TBC1D19: variants seen among roughly 807,000 people sequenced by gnomAD.
The protein encoded by TBC1D19 is TBC1 domain family member 19, also known as TBC1 domain family, member 19.
TBC1D19 carries 60 observed loss-of-function variants against 89.0 expected under a neutral mutation model. The observed-to-expected ratio is 0.67, with a 90% confidence interval of 0.55 to 0.84. The LOEUF (loss-of-function observed/expected upper bound fraction) is 0.84, where lower values mean the gene tolerates loss of function less well. TBC1D19 is among the 40% of genes least tolerant of loss of function. The probability of loss-of-function intolerance (pLI) is 0.00; values close to 1 mark genes in which losing one functional copy is unlikely to be tolerated. For missense variants in TBC1D19, 500 were observed against 610.8 expected (o/e 0.82, Z 1.91); for synonymous variants, 189 against 199.7 (o/e 0.95, Z 0.45).
intron 13 of TBC1D19, among the ~76,000 whole-genome samples, chr4:26,701,290 T>G (rs1337136428): frequency 6.7e-6 from 1 of 149,418 alleles, no homozygotes; most frequent in Non-Finnish European, 1.5e-5. Context: ...CAGATACACC[T>G]TCCCTGACCA....
chr4:26,676,854 CTTCT>C (rs925999966), intron 11 of TBC1D19, among the ~76,000 whole-genome samples: 5 of 151,878 alleles, frequency 3.3e-5, no homozygotes, highest in African/African-American at 1.2e-4. Flanking sequence ...TGTGGAGGGT[CTTCT>C]TTGTCTTATC....
chr4:26,723,113 C>T (rs1560497519), intron 15 of TBC1D19, among the ~76,000 whole-genome samples: 1 of 152,114 alleles, frequency 6.6e-6, no homozygotes, highest in South Asian at 2.1e-4. Flanking sequence ...TGAGATAAGC[C>T]CACAGCTGTT....
the TBC1D19 span, among the ~76,000 whole-genome samples, chr4:26,855,571 T>G: frequency 6.6e-6 from 1 of 152,216 alleles, no homozygotes; most frequent in African/African-American, 2.4e-5. Context: ...TATGGCCATT[T>G]TTTTTATACA....
chr4:26,768,659 A>G, the TBC1D19 span, among the ~76,000 whole-genome samples: 1 of 152,178 alleles, frequency 6.6e-6, no homozygotes, highest in Non-Finnish European at 1.5e-5. Context: ...TTCTAGATTT[A>G]AAAAATAGTG....
At chr4:26,614,995 T>G (rs1741596500) in intron 3 of TBC1D19, among the ~76,000 whole-genome samples, 1 of 152,186 alleles carries the variant, frequency 6.6e-6, no homozygotes, top group Non-Finnish European at 1.5e-5. Context: ...TTATTTTATA[T>G]TAACAATTCA....
At chr4:26,852,035 C>CCT in the TBC1D19 span, among the ~76,000 whole-genome samples, 2,914 of 152,306 alleles carry the variant, frequency 0.019, 107 homozygotes, top group African/African-American at 0.067. Flanking sequence ...GAATTCCTGG[C>CCT]CTCTATCCAA....
intron 7 of TBC1D19, among the ~76,000 whole-genome samples, chr4:26,641,611 C>T (rs1743541769): frequency 6.8e-6 from 1 of 146,670 alleles, no homozygotes; most frequent in Non-Finnish European, 1.5e-5. Context: ...TTCAGAAAGT[C>T]GGTAATAACA....
At chr4:26,675,979 G>A (rs996430707) in intron 11 of TBC1D19, among the ~76,000 whole-genome samples, 2 of 152,102 alleles carry the variant, frequency 1.3e-5, no homozygotes, top group African/African-American at 4.8e-5. Context: ...GCATTTCTAG[G>A]TATGTGTCAA....
chr4:26,820,103 C>T, the TBC1D19 span, among the ~76,000 whole-genome samples: 1 of 152,120 alleles, frequency 6.6e-6, no homozygotes, highest in South Asian at 2.1e-4. Context: ...TCTATGTGTA[C>T]ATTGTAGAAA....
intron 10 of TBC1D19, among the ~76,000 whole-genome samples, chr4:26,673,475 A>ACACACACACACACACACACAC (rs1560463426): frequency 6.8e-6 from 1 of 148,052 alleles, no homozygotes; most frequent in African/African-American, 2.5e-5. Context: ...ACACACACAC[A>ACACACACACACACACACACAC]ATACTAGTTT....
chr4:26,689,507 T>C (rs919887108), intron 13 of TBC1D19, among the ~76,000 whole-genome samples: 1 of 152,192 alleles, frequency 6.6e-6, no homozygotes, highest in African/African-American at 2.4e-5. Flanking sequence ...AAATTGAAGG[T>C]TTGTGGCAAC....
chr4:26,603,274 T>C (rs1740753573), intron 1 of TBC1D19, among the ~76,000 whole-genome samples: 1 of 152,246 alleles, frequency 6.6e-6, no homozygotes, highest in South Asian at 2.1e-4. Flanking sequence ...TTTAATGATA[T>C]GTTTTCACTT....
chr4:26,849,825 C>T, the TBC1D19 span, among the ~76,000 whole-genome samples: 569 of 152,198 alleles, frequency 3.7e-3, 7 homozygotes, highest in African/African-American at 0.013. Context: ...TTAGGGTCAC[C>T]CAAACATACT....
Position 26,661,526 on chromosome 4 carries a change from C to G in TBC1D19, c.591+1819C>G, listed in dbSNP as rs1182802035. ...TACCTCATTTCTAAATCGGAACGAC[C>G]AACCTAGAAACCCCAGACTTTTGAA... On this transcript the variant is annotated intron_variant, in intron 8 of 20. Transcript: ENST00000264866. 5.3e-5 allele frequency among the ~76,000 whole-genome samples: 8 copies of G among 152,184 alleles called. No individual in the cohort carries two copies. In the South Asian group the frequency reaches 1.7e-3, roughly 32 times the overall value.
At chr4:26,680,145 C>T (rs565211867) in intron 11 of TBC1D19, among the ~76,000 whole-genome samples, 89 of 152,142 alleles carry the variant, frequency 5.8e-4, no homozygotes, top group Non-Finnish European at 8.1e-4. Context: ...TGTAAGTTTT[C>T]TGAGGCTTCC....
chr4:26,673,446 T>TATATATATATACAC (rs373807642), intron 10 of TBC1D19, among the ~76,000 whole-genome samples: 2 of 90,884 alleles, frequency 2.2e-5, no homozygotes, highest in African/African-American at 4.3e-5. Context: ...TATATATATA[T>TATATATATATACAC]ACACACACAC....
chr4:26,687,781 G>A (rs1251553533), intron 12 of TBC1D19, among the ~76,000 whole-genome samples: 2 of 152,150 alleles, frequency 1.3e-5, no homozygotes, highest in Non-Finnish European at 2.9e-5. Context: ...ACTCAAGTCA[G>A]AAAGTGAGAA....
the TBC1D19 span, among the ~76,000 whole-genome samples, chr4:26,856,334 C>T: frequency 3.2e-4 from 48 of 152,240 alleles, no homozygotes; most frequent in African/African-American, 1.1e-3. Flanking sequence ...TATAGTATTC[C>T]ACTGTGTGTA....
chr4:26,589,043 G>C (rs1399137071), intron 1 of TBC1D19, among the ~76,000 whole-genome samples: 1 of 152,138 alleles, frequency 6.6e-6, no homozygotes, highest in East Asian at 1.9e-4. Context: ...AGGAGGCTGA[G>C]GTGGGCAAAT....
Sources: gnomAD v4.1 joint callset for allele counts (sites outside exome capture counted in the v4.1 genomes callset) on GRCh38, gnomAD v4.1.1 for gene constraint, MANE v1.5 for transcripts, NCBI Gene and HGNC (gene_info 2026-07-23, HGNC 2026-07-21) for gene names.